The following AGPAT4 variants were observed in gnomAD, a reference collection of about 807,000 sequenced individuals.
The protein encoded by AGPAT4 is 1-acyl-sn-glycerol-3-phosphate acyltransferase delta.
Under a neutral mutation model 48.0 loss-of-function variants are expected in AGPAT4, and 15 were observed. The observed-to-expected ratio is 0.31, with a 90% CI of 0.21 to 0.48. AGPAT4 has a LOEUF of 0.48. Ranked by LOEUF, AGPAT4 falls within the 20% of genes least tolerant of loss-of-function variation. The pLI, the probability that AGPAT4 is intolerant of heterozygous loss-of-function variation, is 0.99. For synonymous variants in AGPAT4, 178 were observed against 198.7 expected (o/e 0.90, Z 0.88); for missense variants, 314 against 482.5 (o/e 0.65, Z 3.27).
At chr6:161,271,418 C>T (rs1693000187) in intron 1 of AGPAT4, among the ~76,000 whole-genome samples, 1 of 152,202 alleles carries the variant, frequency 6.6e-6, no homozygotes, top group South Asian at 2.1e-4. Flanking sequence ...CTTTTCGCCA[C>T]CCGTTTGGTG....
rs1309203608 is a variant in AGPAT4, at chr6:161,143,721, G to A, written c.843+2803C>T. Among the ~76,000 whole-genome samples the A allele has an allele frequency of 1.3e-5, 2 of 152,162 alleles. No individual in the cohort carries two copies. Among genetic ancestry groups the A allele is most frequent in the Admixed American group, 6.5e-5 (1 of 15,284 alleles). ...TGCATTTTTCATAAAGCTAAACTAG[G>A]TCCACTCAAAGGATGGCCCTGTTTT... is the stretch of plus-strand genomic sequence containing the variant. On this transcript the variant is annotated intron_variant, in intron 7 of 8. Transcript: ENST00000320285. The surrounding 1 kb of genome is among the most constrained non-coding windows in gnomAD (Gnocchi z 4.7).
Position 161,200,528 on chromosome 6 carries a change from G to C in AGPAT4, c.178+31508C>G, listed in dbSNP as rs557884066. The stretch of plus-strand genomic sequence containing the variant: ...TAATCATAGTTGGTCTGGACAAGGG[G>C]AAAAACAGTGTGTGTGCTTGGGCAT... On this transcript the variant is annotated intron_variant, in intron 2 of 8. Transcript: ENST00000320285. This position sits in a 1 kb window ranked among gnomAD's most constrained non-coding sequence, Gnocchi z 5.5. Among the ~76,000 whole-genome samples, 4 of 152,318 alleles carry C rather than the reference G, an allele frequency of 2.6e-5. No homozygotes were observed. In the East Asian group the frequency reaches 7.7e-4, roughly 29 times the overall value.
chr6:161,175,403 C>A (rs1453125234), intron 2 of AGPAT4, among the ~76,000 whole-genome samples: 1 of 152,148 alleles, frequency 6.6e-6, no homozygotes, highest in Non-Finnish European at 1.5e-5. Context: ...AGGAATTCAT[C>A]CATTTCTTCT....
At position 161,217,162 on chromosome 6, in the gene AGPAT4, G is replaced by A. The variant is rs1781668927; in HGVS notation, c.178+14874C>T. Among the ~76,000 whole-genome samples the A allele has an allele frequency of 6.6e-6, 1 of 152,216 alleles. No individual in the cohort carries two copies. Among genetic ancestry groups the A allele is most frequent in the African/African-American group, 2.4e-5 (1 of 41,464 alleles). ...AGGCAAGCCAGGGGAGGGGCGGAGT[G>A]AGCACAGGCGTGGGGACGCGAAAGG... is the stretch of plus-strand genomic sequence containing the variant. On this transcript the variant is annotated intron_variant, in intron 2 of 8. Transcript: ENST00000320285. The surrounding 1 kb of genome is among the most constrained non-coding windows in gnomAD (Gnocchi z 4.9).
At position 161,149,081 on chromosome 6, in the gene AGPAT4, G is replaced by A. The variant is rs574718866; in HGVS notation, c.767+106C>T. ...TCAATGCAAAACAGACTGCAAAGAA[G>A]TCAGTGTGACCCAGGGATCCCTGGA... On this transcript the variant is annotated intron_variant, in intron 6 of 8. Transcript: ENST00000320285. This position sits in a 1 kb window ranked among gnomAD's most constrained non-coding sequence, Gnocchi z 6.5. 1.8e-5 allele frequency: 25 copies of A among 1,419,504 alleles called. No homozygotes were observed. The African/African-American group carries it at 3.6e-4, about 20-fold the overall frequency. The allele number at this position is 1,419,504 out of a possible 1,614,324, so 87.9% of individuals were successfully genotyped here. A position where few individuals can be genotyped will look rare whatever the true frequency, so the allele number is the denominator to read the frequency against.
At position 161,146,380 on chromosome 6, in the gene AGPAT4, C is replaced by T; in HGVS notation, c.843+144G>A. On this transcript the variant is annotated intron_variant, in intron 7 of 8. Coordinates refer to ENST00000320285, the MANE Select transcript of AGPAT4 (RefSeq NM_020133.3). The surrounding 1 kb of genome is among the most constrained non-coding windows in gnomAD (Gnocchi z 7.1). ...AATATTTTGTCATGTTCTTCATTGC[C>T]AAGAGAGGGTCAGCTCCAGACTCAC... is the stretch of plus-strand genomic sequence containing the variant. 1 of 673,254 alleles carries T rather than the reference C, an allele frequency of 1.5e-6. No homozygotes were observed. The highest frequency in any genetic ancestry group is 2.5e-6 in the Non-Finnish European group (1 of 396,994). 41.7% of individuals were successfully genotyped at this position (673,254 alleles called of 1,614,324 possible).
At position 161,178,739 on chromosome 6, in the gene AGPAT4, C is replaced by A. The variant is rs924592465; in HGVS notation, c.179-12322G>T. Among the ~76,000 whole-genome samples the A allele has an allele frequency of 2.0e-5, 3 of 152,198 alleles. No individual in the cohort carries two copies. Among genetic ancestry groups the A allele is most frequent in the Non-Finnish European group, 4.4e-5 (3 of 68,030 alleles). On this transcript the variant is annotated intron_variant, in intron 2 of 8. Coordinates refer to ENST00000320285, the MANE Select transcript of AGPAT4 (RefSeq NM_020133.3). The surrounding 1 kb of genome is among the most constrained non-coding windows in gnomAD (Gnocchi z 5.1). ...CTGGGAGCTGTAGACTGGAGCTGTT[C>A]CTATTCGGCCATCTTGCCATGGTTG...
At chr6:161,273,864 G>C (rs1783515539) in intron 1 of AGPAT4, 74 bp downstream of exon 1, 1 of 133,584 alleles carries the variant, frequency 7.5e-6, no homozygotes, top group South Asian at 2.5e-4. Flanking sequence ...AGAAAAATAT[G>C]CTGGGAAGAG....
intron 2 of AGPAT4, among the ~76,000 whole-genome samples, chr6:161,191,585 G>A (rs544855701): frequency 1.8e-4 from 27 of 152,326 alleles, no homozygotes; most frequent in African/African-American, 6.5e-4. Context: ...AGCCAGACAG[G>A]ACTAAAGATG....
At chr6:161,265,930 T>C (rs923401650) in intron 1 of AGPAT4, among the ~76,000 whole-genome samples, 19 of 152,248 alleles carry the variant, frequency 1.2e-4, no homozygotes, top group African/African-American at 3.9e-4. Context: ...AAAGTATTTC[T>C]TCATTTAAAT....
intron 2 of AGPAT4, among the ~76,000 whole-genome samples, chr6:161,172,996 C>G (rs1383502205): frequency 6.6e-6 from 1 of 152,196 alleles, no homozygotes; most frequent in Admixed American, 6.5e-5. Context: ...TGGCTGCATA[C>G]TATTCCATGG....
intron 2 of AGPAT4, among the ~76,000 whole-genome samples, chr6:161,193,179 A>G (rs1465028842): frequency 6.6e-6 from 1 of 152,172 alleles, no homozygotes. Flanking sequence ...TGTTTGTTAA[A>G]AAGTATTTTT....
chr6:161,198,655 C>A lies in AGPAT4; in HGVS notation c.179-32238G>T, dbSNP rs1781134635. Among the ~76,000 whole-genome samples the A allele has an allele frequency of 6.6e-6, 1 of 152,216 alleles. No individual in the cohort carries two copies. Among genetic ancestry groups the A allele is most frequent in the Admixed American group, 6.5e-5 (1 of 15,284 alleles). The stretch of plus-strand genomic sequence containing the variant: ...TGGACATGCTATTTAACCTGCTGTG[C>A]CTCGGTTTCCTCATCTGTCATGGTT... On this transcript the variant is annotated intron_variant, in intron 2 of 8. Coordinates refer to ENST00000320285, the MANE Select transcript of AGPAT4 (RefSeq NM_020133.3). This position sits in a 1 kb window ranked among gnomAD's most constrained non-coding sequence, Gnocchi z 4.3.
rs987726872 is a variant in AGPAT4, at chr6:161,272,829, G to C, written c.-90+1109C>G. On this transcript the variant is annotated intron_variant, in intron 1 of 8. Transcript: ENST00000320285. The surrounding 1 kb of genome is among the most constrained non-coding windows in gnomAD (Gnocchi z 4.2). ...TTAATCCTTCCACAGTTTTGAAAAA[G>C]TCTAGCAACCCTCACCTTGAAGAGA... Among the ~76,000 whole-genome samples the C allele has an allele frequency of 6.6e-6, 1 of 152,090 alleles. No homozygotes were observed. The highest frequency in any genetic ancestry group is 1.9e-4 in the East Asian group (1 of 5,188).
rs1293851973 is a variant in AGPAT4 at position 161,266,819 on chromosome 6, T to C, written c.-90+7119A>G. Among the ~76,000 whole-genome samples, 2 of 152,210 alleles carry C rather than the reference T, an allele frequency of 1.3e-5. No homozygotes were observed. Among genetic ancestry groups the C allele is most frequent in the African/African-American group, 4.8e-5 (2 of 41,448 alleles). ...AGACAGATAGTTCTTTAAAATTTCA[T>C]CCGCCTCGGTTAACCTCTACCCACA... On this transcript the variant is annotated intron_variant, in intron 1 of 8. Coordinates refer to ENST00000320285, the MANE Select transcript of AGPAT4 (RefSeq NM_020133.3). The surrounding 1 kb of genome is among the most constrained non-coding windows in gnomAD (Gnocchi z 6.2).
rs1782796467 is a variant in AGPAT4, at chr6:161,251,230, C to G, written c.-89-18928G>C. On this transcript the variant is annotated intron_variant, in intron 1 of 8. Transcript: ENST00000320285. The surrounding 1 kb of genome is among the most constrained non-coding windows in gnomAD (Gnocchi z 4.6). ...TACACTTATTTTTGGTTACAGTCCT[C>G]TGTGAAGATTTAAATGGATTTCCAA... 6.6e-6 allele frequency among the ~76,000 whole-genome samples: 1 copy of G among 152,166 alleles called. No homozygotes were observed. Among genetic ancestry groups the G allele is most frequent in the South Asian group, 2.1e-4 (1 of 4,832 alleles).
chr6:161,263,907 T>G (rs1353954632), intron 1 of AGPAT4, among the ~76,000 whole-genome samples: 1 of 152,212 alleles, frequency 6.6e-6, no homozygotes, highest in Non-Finnish European at 1.5e-5. Context: ...TCTGTTACAA[T>G]ATTTAGTAAA....
chr6:161,269,201 A>T (rs1783353275), intron 1 of AGPAT4, among the ~76,000 whole-genome samples: 1 of 152,162 alleles, frequency 6.6e-6, no homozygotes, highest in Non-Finnish European at 1.5e-5. Context: ...TCTCTCTCTC[A>T]GATTGTTCTT....
chr6:161,273,629 G>T (rs1367802911), intron 1 of AGPAT4, among the ~76,000 whole-genome samples: 1 of 152,056 alleles, frequency 6.6e-6, no homozygotes, highest in Non-Finnish European at 1.5e-5. Flanking sequence ...CCGGGAGGGG[G>T]CTGGGTGGGT....
Sources: gnomAD v4.1 joint callset for allele counts (sites outside exome capture counted in the v4.1 genomes callset) on GRCh38, gnomAD v4.1.1 for gene constraint, Gnocchi (gnomAD v3.1) non-coding constraint, MANE v1.5 for transcripts, NCBI Gene and HGNC (gene_info 2026-07-23, HGNC 2026-07-21) for gene names.